PTER: variants seen among roughly 807,000 people sequenced by gnomAD.
PTER encodes the protein N-acetyltaurine hydrolase.
PTER carries 38 observed loss-of-function variants against 29.6 expected under a neutral mutation model. The observed-to-expected ratio is 1.28, with a 90% confidence interval of 0.99 to 1.68. The LOEUF (loss-of-function observed/expected upper bound fraction) is 1.68. Among genes scored for constraint, PTER ranks in the 40% most tolerant of loss-of-function variants. The pLI, the probability that PTER is intolerant of heterozygous loss-of-function variation, is 0.00. For missense variants in PTER, 482 were observed against 427.8 expected (o/e 1.13, Z -1.12); for synonymous variants, 172 against 154.5 (o/e 1.11, Z -0.84).
At position 16,484,671 on chromosome 10, in the gene PTER, T is replaced by C. The variant is rs768568554; in HGVS notation, c.287T>C (p.Val96Ala). The change falls in exon 2 of 5, where the codon GTG (valine) becomes GCG (alanine). Residue 96 changes from valine to alanine, a missense_variant. Val to Ala is a moderately conservative substitution (Grantham distance 64). Coordinates refer to ENST00000535784, the MANE Select transcript of PTER (RefSeq NM_001261836.2). ...AAAGCTAATGGTGGAGGGGCTTTGGTGGAAAACACAACCACTGGGATTAGC... is the reference window on the plus strand; with the variant it reads ...AAAGCTAATGGTGGAGGGGCTTTGGCGGAAAACACAACCACTGGGATTAGC... ...YFKANGGGALVENTTTGISRD... is the reference protein window; with the variant it reads ...YFKANGGGALAENTTTGISRD... 1 of 1,614,118 alleles carries C rather than the reference T, an allele frequency of 6.2e-7. No individual in the cohort carries two copies. The highest frequency in any genetic ancestry group is 1.1e-5 in the South Asian group (1 of 91,086).
intron 3 of PTER, among the ~76,000 whole-genome samples, chr10:16,491,310 C>T (rs1039144227): frequency 5.3e-5 from 8 of 152,002 alleles, no homozygotes; most frequent in Non-Finnish European, 7.4e-5. Context: ...AAAAACATAC[C>T]GAATAAAGTA....
intron 1 of PTER, among the ~76,000 whole-genome samples, chr10:16,464,453 A>G (rs186711630): frequency 3.5e-3 from 526 of 152,184 alleles, no homozygotes; most frequent in Non-Finnish European, 5.7e-3. Context: ...AGCAGGGGGG[A>G]AAACAGTATT....
intron 1 of PTER, among the ~76,000 whole-genome samples, chr10:16,439,367 A>G (rs1157585240): frequency 6.6e-6 from 1 of 152,188 alleles, no homozygotes; most frequent in Non-Finnish European, 1.5e-5. Context: ...ATGCAATTTA[A>G]TATCCTTTGA....
intron 1 of PTER, among the ~76,000 whole-genome samples, chr10:16,456,473 T>C (rs140066920): frequency 3.9e-5 from 6 of 152,342 alleles, no homozygotes; most frequent in Non-Finnish European, 7.3e-5. Flanking sequence ...TTTTGCACTG[T>C]TGTTGCAACT....
At chr10:16,451,636 C>T (rs1220976492) in intron 1 of PTER, among the ~76,000 whole-genome samples, 1 of 152,066 alleles carries the variant, frequency 6.6e-6, no homozygotes, top group Non-Finnish European at 1.5e-5. Context: ...CACTTGAACC[C>T]GGGAGGCAGA....
rs1024665329 is a variant in PTER at position 16,512,070 on chromosome 10, A to G, written c.*814A>G. On this transcript the variant is annotated 3_prime_UTR_variant, in exon 5 of 5. Coordinates refer to ENST00000535784, the MANE Select transcript of PTER (RefSeq NM_001261836.2). ...TGGTAAGATATAATGCAAAAAAAAA[A>G]AGAGAAATGTTTGCCTTATGTATAT... is the stretch of plus-strand genomic sequence containing the variant. 2 of 152,498 alleles carry G rather than the reference A, an allele frequency of 1.3e-5. No individual in the cohort carries two copies. The highest frequency in any genetic ancestry group is 2.9e-5 in the Non-Finnish European group (2 of 68,004). 9.4% of individuals were successfully genotyped at this position (152,498 alleles called of 1,614,324 possible). A position where few individuals can be genotyped will look rare whatever the true frequency, so the allele number is the denominator to read the frequency against.
chr10:16,442,629 T>C (rs1833886436), intron 1 of PTER, among the ~76,000 whole-genome samples: 1 of 152,044 alleles, frequency 6.6e-6, no homozygotes, highest in Non-Finnish European at 1.5e-5. Context: ...AAGAATTAGG[T>C]TGACTTGCAT....
At chr10:16,465,407 C>T (rs1195728410) in intron 1 of PTER, among the ~76,000 whole-genome samples, 3 of 152,088 alleles carry the variant, frequency 2.0e-5, no homozygotes, top group African/African-American at 7.2e-5. Flanking sequence ...GAAATTAGCA[C>T]GTTTGGAAAG....
rs80328777 is a variant in PTER at position 16,510,159 on chromosome 10, T to C, written c.840-887T>C. 6.4e-3 allele frequency among the ~76,000 whole-genome samples: 976 copies of C among 152,212 alleles called. 9 individuals carry two copies. The highest frequency in any genetic ancestry group is 0.022 in the African/African-American group (906 of 41,532). Reference sequence around the variant, plus strand: ...TGTCTGTGAGTGGCATCTTCTACCATCAAAGACCCATGGAAGTCACGACAG... The same window carrying C: ...TGTCTGTGAGTGGCATCTTCTACCACCAAAGACCCATGGAAGTCACGACAG... On this transcript the variant is annotated intron_variant, in intron 4 of 4. Transcript: ENST00000535784.
At chr10:16,491,610 A>G (rs1428570837) in intron 3 of PTER, among the ~76,000 whole-genome samples, 4 of 152,152 alleles carry the variant, frequency 2.6e-5, no homozygotes, top group African/African-American at 9.7e-5. Context: ...AATAAAAACC[A>G]AGACAAAATG....
chr10:16,440,536 C>T (rs1052031872), intron 1 of PTER, among the ~76,000 whole-genome samples: 2 of 152,210 alleles, frequency 1.3e-5, no homozygotes, highest in East Asian at 1.9e-4. Context: ...GCCTGCTCAG[C>T]GTGAGAGCTG....
At chr10:16,464,101 C>G (rs1217667984) in intron 1 of PTER, among the ~76,000 whole-genome samples, 1 of 152,178 alleles carries the variant, frequency 6.6e-6, no homozygotes, top group Non-Finnish European at 1.5e-5. Context: ...GAGAAACACA[C>G]AGCATTATTA....
At chr10:16,443,320 C>T (rs1374749825) in intron 1 of PTER, among the ~76,000 whole-genome samples, 1 of 152,184 alleles carries the variant, frequency 6.6e-6, no homozygotes, top group Non-Finnish European at 1.5e-5. Flanking sequence ...CCCCTTTTAA[C>T]TTAATTACTT....
In PTER at chr10:16,454,783, CAAT is replaced by C. The variant is rs576736785; in HGVS notation, c.-49+17739_-49+17741del. Among the ~76,000 whole-genome samples the C allele has an allele frequency of 9.2e-4, 139 of 151,402 alleles. 1 individual carries two copies. The highest frequency in any genetic ancestry group is 4.8e-3 in the East Asian group (25 of 5,170). On this transcript the variant is annotated intron_variant, in intron 1 of 4. Coordinates refer to ENST00000535784, the MANE Select transcript of PTER (RefSeq NM_001261836.2). Reference sequence around the variant, plus strand: ...TTTAATCTACAATTATGTCTAATAACAATAAATAATAGAACAATAAATACTAAT... The same window carrying C: ...TTTAATCTACAATTATGTCTAATAACAAATAATAGAACAATAAATACTAAT...
chr10:16,509,513 T>C (rs532830752), intron 4 of PTER, among the ~76,000 whole-genome samples: 3 of 152,266 alleles, frequency 2.0e-5, no homozygotes, highest in Admixed American at 6.5e-5. Context: ...AGGCAAAAAT[T>C]TTGGAAAATG....
rs702983 is a variant in PTER, at chr10:16,501,094, T to C, written c.699-3926T>C. 5.3e-5 allele frequency among the ~76,000 whole-genome samples: 8 copies of C among 151,806 alleles called. No individual in the cohort carries two copies. The East Asian group carries it at 1.6e-3, about 29-fold the overall frequency. On this transcript the variant is annotated intron_variant, in intron 3 of 4. Coordinates refer to ENST00000535784, the MANE Select transcript of PTER (RefSeq NM_001261836.2). ...CTGCAGCACGTGCCACCACACCCAGTTAATTTTTGTATTTTTAGTAAAGCC... is the reference window on the plus strand; with the variant it reads ...CTGCAGCACGTGCCACCACACCCAGCTAATTTTTGTATTTTTAGTAAAGCC...
At chr10:16,491,462 G>A (rs79427384) in intron 3 of PTER, among the ~76,000 whole-genome samples, 4,984 of 152,150 alleles carry the variant, frequency 0.033, 246 homozygotes, top group African/African-American at 0.1. Context: ...CTGTGCATAC[G>A]ATCTGAGCCG....
intron 1 of PTER, among the ~76,000 whole-genome samples, chr10:16,438,357 T>A (rs35874746): frequency 2.1e-4 from 32 of 151,934 alleles, no homozygotes; most frequent in African/African-American, 7.2e-4. Flanking sequence ...AGTGCAGTGG[T>A]GCTATCACAG....
intron 3 of PTER, among the ~76,000 whole-genome samples, chr10:16,487,282 A>G (rs1015652245): frequency 1.3e-5 from 2 of 152,206 alleles, no homozygotes; most frequent in Non-Finnish European, 2.9e-5. Flanking sequence ...AAACTTTGTC[A>G]GGGCCCCGCT....
Sources: gnomAD v4.1 joint callset for allele counts (sites outside exome capture counted in the v4.1 genomes callset) on GRCh38, gnomAD v4.1.1 for gene constraint, MANE v1.5 for transcripts, NCBI Gene and HGNC (gene_info 2026-07-23, HGNC 2026-07-21) for gene names.